Variants in SDK1 observed in about 807,000 individuals in gnomAD.
SDK1 encodes the protein sidekick cell adhesion molecule 1, also known as protein sidekick-1.
Under a neutral mutation model 245.5 loss-of-function variants are expected in SDK1, and 157 were observed. The ratio of observed to expected loss-of-function variants is 0.64; its 90% CI spans 0.56 to 0.73. SDK1 has a LOEUF of 0.73. Among genes scored for constraint, SDK1 ranks in the 30% least tolerant of loss-of-function variants. The pLI is 0.00. For synonymous variants in SDK1, 1,647 were observed against 1,278.5 expected, an observed-to-expected ratio of 1.29 and a Z score of -6.15; for missense variants, 3,583 against 3,002.3, an observed-to-expected ratio of 1.19 and a Z score of -4.52.
chr7:3,987,915 C>G (rs1001014446), intron 14 of SDK1, among the ~76,000 whole-genome samples: 2 of 152,052 alleles, frequency 1.3e-5, no homozygotes, highest in African/African-American at 2.4e-5. Context: ...CCGTGTGCAC[C>G]CACTCACGCC....
At chr7:3,425,853 G>T (rs1430283942) in intron 1 of SDK1, among the ~76,000 whole-genome samples, 1 of 152,116 alleles carries the variant, frequency 6.6e-6, no homozygotes, top group East Asian at 1.9e-4. Context: ...CTTTCCCTCA[G>T]CAAGATGTGT....
chr7:3,514,862 G>T (rs1482994494), intron 1 of SDK1, among the ~76,000 whole-genome samples: 1 of 150,808 alleles, frequency 6.6e-6, no homozygotes, highest in Admixed American at 6.6e-5. Context: ...CCCATCACGC[G>T]TGCATGCGTG....
At chr7:4,170,332 A>G (rs1451488746) in intron 32 of SDK1, among the ~76,000 whole-genome samples, 1 of 152,104 alleles carries the variant, frequency 6.6e-6, no homozygotes, top group Non-Finnish European at 1.5e-5. Flanking sequence ...CTGTAGTCCC[A>G]GCTACTCGGG....
intron 4 of SDK1, among the ~76,000 whole-genome samples, chr7:3,704,468 A>T (rs898656523): frequency 1.3e-5 from 2 of 151,384 alleles, no homozygotes; most frequent in African/African-American, 2.4e-5. Context: ...GATGTTAAGT[A>T]TGTCTCTTGT....
intron 5 of SDK1, among the ~76,000 whole-genome samples, chr7:3,827,583 C>T (rs561674218): frequency 3.0e-4 from 46 of 152,322 alleles, no homozygotes; most frequent in African/African-American, 9.6e-4. Context: ...GTGGGACCTA[C>T]GTGTGTTGTC....
chr7:3,552,646 G>C (rs1287670901), intron 1 of SDK1, among the ~76,000 whole-genome samples: 1 of 152,300 alleles, frequency 6.6e-6, no homozygotes, highest in South Asian at 2.1e-4. Context: ...ACTGACCACA[G>C]AGTAAGATCT....
At chr7:3,440,093 C>T (rs778200198) in intron 1 of SDK1, among the ~76,000 whole-genome samples, 2 of 152,116 alleles carry the variant, frequency 1.3e-5, no homozygotes, top group African/African-American at 2.4e-5. Flanking sequence ...GGTCCGAAAA[C>T]ATTAAATGGA....
intron 1 of SDK1, among the ~76,000 whole-genome samples, chr7:3,508,368 C>G (rs1782465437): frequency 6.7e-6 from 1 of 149,252 alleles, no homozygotes; most frequent in Non-Finnish European, 1.5e-5. Context: ...CCCTGTTGCC[C>G]TGGCTGGAGT....
At chr7:3,580,474 C>G (rs191600689) in intron 1 of SDK1, among the ~76,000 whole-genome samples, 1 of 152,156 alleles carries the variant, frequency 6.6e-6, no homozygotes, top group African/African-American at 2.4e-5. Context: ...AATAGAGTAC[C>G]CACAGATAAG....
At chr7:3,647,085 G>A (rs966371205) in intron 4 of SDK1, among the ~76,000 whole-genome samples, 1 of 152,168 alleles carries the variant, frequency 6.6e-6, no homozygotes, top group African/African-American at 2.4e-5. Flanking sequence ...CTTAAAAGTG[G>A]TTAAAATAAT....
intron 1 of SDK1, among the ~76,000 whole-genome samples, chr7:3,401,199 C>T (rs954942626): frequency 3.9e-5 from 6 of 152,272 alleles, no homozygotes; most frequent in East Asian, 1.9e-4. Flanking sequence ...GCCACTTACA[C>T]GAGCATTCAA....
intron 1 of SDK1, among the ~76,000 whole-genome samples, chr7:3,464,465 G>A (rs1780927734): frequency 6.6e-6 from 1 of 152,156 alleles, no homozygotes; most frequent in Non-Finnish European, 1.5e-5. Context: ...AGGCTACAGT[G>A]AACTACGATT....
At chr7:4,151,255 G>A (rs1204889916) in intron 30 of SDK1, among the ~76,000 whole-genome samples, 1 of 152,154 alleles carries the variant, frequency 6.6e-6, no homozygotes, top group African/African-American at 2.4e-5. Flanking sequence ...CCAGTGCACA[G>A]CTCCAGCTCT....
At chr7:3,627,431 C>T (rs1171774855) in intron 2 of SDK1, among the ~76,000 whole-genome samples, 6 of 152,146 alleles carry the variant, frequency 3.9e-5, no homozygotes, top group African/African-American at 9.7e-5. Flanking sequence ...TTCCAGATTG[C>T]GGTGCTGGCC....
chr7:3,640,908 T>A (rs1385548955), intron 3 of SDK1, among the ~76,000 whole-genome samples: 2 of 152,082 alleles, frequency 1.3e-5, no homozygotes, highest in African/African-American at 4.8e-5. Context: ...GGTGTCAAAT[T>A]CCTGACCTCG....
chr7:3,575,988 C>T (rs1020968425), intron 1 of SDK1, among the ~76,000 whole-genome samples: 3 of 151,932 alleles, frequency 2.0e-5, no homozygotes, highest in East Asian at 1.9e-4. Flanking sequence ...GCTTTCTGCT[C>T]TTGTGAAATA....
At chr7:3,583,533 C>T (rs991690748) in intron 1 of SDK1, among the ~76,000 whole-genome samples, 1 of 152,160 alleles carries the variant, frequency 6.6e-6, no homozygotes, top group African/African-American at 2.4e-5. Context: ...CTGTCTAGTT[C>T]ATAGCACTGA....
intron 44 of SDK1, among the ~76,000 whole-genome samples, chr7:4,252,095 T>G (rs948349391): frequency 2.6e-5 from 4 of 152,220 alleles, no homozygotes; most frequent in African/African-American, 9.6e-5. Context: ...TTAGGGTACA[T>G]GTGCACAACG....
chr7:3,881,637 G>A (rs1781212077), intron 5 of SDK1, among the ~76,000 whole-genome samples: 1 of 152,092 alleles, frequency 6.6e-6, no homozygotes, highest in South Asian at 2.1e-4. Context: ...TAATAGGATT[G>A]CTGGGTCAAA....
Sources: gnomAD v4.1 joint callset for allele counts (sites outside exome capture counted in the v4.1 genomes callset) on GRCh38, gnomAD v4.1.1 for gene constraint, MANE v1.5 for transcripts, NCBI Gene and HGNC (gene_info 2026-07-23, HGNC 2026-07-21) for gene names.